QKI: variants seen among roughly 807,000 people sequenced by gnomAD.
QKI encodes QKI, KH domain containing RNA binding.
QKI carries 10 observed loss-of-function variants against 39.0 expected under a neutral mutation model. The ratio of observed to expected loss-of-function variants is 0.26; its 90% CI spans 0.16 to 0.43. QKI has a LOEUF of 0.43. QKI is among the 20% of genes least tolerant of loss of function. The probability of loss-of-function intolerance (pLI) is 1.00; values close to 1 mark genes in which losing one functional copy is unlikely to be tolerated. For missense variants in QKI, 218 were observed against 428.0 expected, an observed-to-expected ratio of 0.51 and a Z score of 4.33; for synonymous variants, 204 against 155.4, an observed-to-expected ratio of 1.31 and a Z score of -2.33.
intron 3 of QKI, among the ~76,000 whole-genome samples, chr6:163,522,666 A>G (rs1027798712): frequency 3.3e-5 from 5 of 152,284 alleles, no homozygotes; most frequent in Admixed American, 6.5e-5. Context: ...GGTAAGCCCC[A>G]TGGAATTATA....
chr6:163,507,647 G>T (rs1779182265), intron 3 of QKI, among the ~76,000 whole-genome samples: 1 of 152,188 alleles, frequency 6.6e-6, no homozygotes, highest in East Asian at 1.9e-4. Flanking sequence ...CTCATCTAAA[G>T]ATGTGAACTA....
intron 3 of QKI, among the ~76,000 whole-genome samples, chr6:163,526,131 G>GA (rs749757290): frequency 2.0e-5 from 3 of 152,068 alleles, no homozygotes; most frequent in Admixed American, 6.5e-5. Flanking sequence ...TATGTCAAAA[G>GA]AAAAAATAGT....
In QKI at chr6:163,517,591, T is replaced by C. The variant is rs116091210; in HGVS notation, c.403-17391T>C. 8.7e-4 allele frequency among the ~76,000 whole-genome samples: 133 copies of C among 152,224 alleles called. 1 individual carries two copies. Among genetic ancestry groups the C allele is most frequent in the African/African-American group, 2.8e-3 (116 of 41,534 alleles). Reference sequence around the variant, plus strand: ...CACCACCACGTCTGGCTTAGATTAGTTTTTTCTTGAGTAGCTGGGAGAAGG... The same window carrying C: ...CACCACCACGTCTGGCTTAGATTAGCTTTTTCTTGAGTAGCTGGGAGAAGG... On this transcript the variant is annotated intron_variant, in intron 3 of 7. Transcript: ENST00000361752.
At chr6:163,566,869 A>C in intron 7 of QKI, 74 bp downstream of exon 7, 1 of 1,562,362 alleles carries the variant, frequency 6.4e-7, no homozygotes, top group Non-Finnish European at 8.7e-7. Context: ...ACCACACCTG[A>C]TGGAAAAATG....
At chr6:163,474,698 G>A (rs576167595) in intron 2 of QKI, among the ~76,000 whole-genome samples, 35 of 151,572 alleles carry the variant, frequency 2.3e-4, no homozygotes, top group Admixed American at 4.6e-4. Flanking sequence ...CTTAGGCACT[G>A]GGGTGGAGTG....
At position 163,573,739 on chromosome 6, in the gene QKI, C is replaced by G. The variant is rs2128253813; in HGVS notation, c.*3029C>G. 6.6e-6 allele frequency: 1 copy of G among 152,210 alleles called. No individual in the cohort carries two copies. The highest frequency in any genetic ancestry group is 1.9e-4 in the East Asian group (1 of 5,188). 9.4% of individuals were successfully genotyped at this position (152,210 alleles called of 1,614,324 possible). A position where few individuals can be genotyped will look rare whatever the true frequency, so the allele number is the denominator to read the frequency against. ...TAGCTTGCATTTTAATTCTTTGGTT[C>G]TTTGCTGTTTCTATTAACCCACAGC... On this transcript the variant is annotated 3_prime_UTR_variant, in exon 8 of 8. Transcript: ENST00000361752.
At chr6:163,526,991 A>C (rs1044220697) in intron 3 of QKI, among the ~76,000 whole-genome samples, 2 of 152,154 alleles carry the variant, frequency 1.3e-5, no homozygotes, top group Non-Finnish European at 2.9e-5. Context: ...TTTAACTTGG[A>C]AATTATTTGG....
intron 3 of QKI, among the ~76,000 whole-genome samples, chr6:163,506,473 C>T (rs922384353): frequency 3.3e-5 from 5 of 152,118 alleles, no homozygotes; most frequent in African/African-American, 1.2e-4. Context: ...GAAGAATACC[C>T]TTTTACATCA....
At chr6:163,529,679 T>C (rs1780734736) in intron 3 of QKI, among the ~76,000 whole-genome samples, 1 of 152,094 alleles carries the variant, frequency 6.6e-6, no homozygotes, top group South Asian at 2.1e-4. Context: ...GAGCCTATCG[T>C]GGGAAGTGAA....
At position 163,415,306 on chromosome 6, in the gene QKI, T is replaced by C; in HGVS notation, c.113T>C (p.Phe38Ser). ...MSSLPNFCGI[F>S]NHLERLLDEE... Reference sequence around the variant, plus strand: ...AGCCTGCCCAACTTCTGCGGGATCTTCAACCACCTCGAGCGGCTGCTGGAC... The same window carrying C: ...AGCCTGCCCAACTTCTGCGGGATCTCCAACCACCTCGAGCGGCTGCTGGAC... The change falls in exon 1 of 8, where the codon TTC becomes TCC. Residue 38 changes from phenylalanine to serine, a missense_variant. Coordinates refer to ENST00000361752, the MANE Select transcript of QKI (RefSeq NM_006775.3). 1 of 1,592,226 alleles carries C rather than the reference T, an allele frequency of 6.3e-7. No homozygotes were observed. The highest frequency in any genetic ancestry group is 8.6e-7 in the Non-Finnish European group (1 of 1,166,216).
In QKI at chr6:163,568,535, T is replaced by C. The variant is rs191800976; in HGVS notation, c.1009+1740T>C. 2.0e-4 allele frequency: 192 copies of C among 981,836 alleles called. No individual in the cohort carries two copies. The African/African-American group carries it at 2.9e-3, about 15-fold the overall frequency. The allele number at this position is 981,836 out of a possible 1,614,324, so 60.8% of individuals were successfully genotyped here. On this transcript the variant is annotated intron_variant, in intron 7 of 7. Transcript: ENST00000361752. ...TAGTAACAGAGTACTCGTATACTTATCACTGTATGCACTCATTGGGTCTAA... is the reference window on the plus strand; with the variant it reads ...TAGTAACAGAGTACTCGTATACTTACCACTGTATGCACTCATTGGGTCTAA...
chr6:163,570,365 G>A (rs943431095), intron 7 of QKI: 8 of 981,684 alleles, frequency 8.1e-6, no homozygotes, highest in Non-Finnish European at 9.7e-6. Flanking sequence ...ATTCATTGTT[G>A]TTTTTCAATT....
At position 163,418,392 on chromosome 6, in the gene QKI, A is replaced by G. The variant is rs139850869; in HGVS notation, c.142+3057A>G. 1.7e-3 allele frequency among the ~76,000 whole-genome samples: 266 copies of G among 152,296 alleles called. 1 individual carries two copies. The highest frequency in any genetic ancestry group is 6.2e-3 in the African/African-American group (256 of 41,562). The stretch of plus-strand genomic sequence containing the variant: ...CAGTTGATGAAGACTTGGATGTTTT[A>G]GAATGAGTATTTTAATTCCTTGCCA... On this transcript the variant is annotated intron_variant, in intron 1 of 7. Transcript: ENST00000361752.
intron 3 of QKI, among the ~76,000 whole-genome samples, chr6:163,484,087 T>C (rs1793285370): frequency 6.6e-6 from 1 of 152,154 alleles, no homozygotes; most frequent in African/African-American, 2.4e-5. Context: ...AAGGAATCTC[T>C]TTTTCTGAGC....
intron 6 of QKI, chr6:163,564,875 G>T: frequency 1.4e-6 from 2 of 1,380,536 alleles, no homozygotes; most frequent in Non-Finnish European, 9.4e-7. Flanking sequence ...TTGACTTTTA[G>T]GACTTTGATC....
intron 1 of QKI, among the ~76,000 whole-genome samples, chr6:163,425,559 G>T (rs548220220): frequency 6.6e-6 from 1 of 152,132 alleles, no homozygotes; most frequent in Admixed American, 6.6e-5. Context: ...TATTATATAC[G>T]TGGCTAACCC....
At chr6:163,536,402 C>A (rs547787369) in intron 4 of QKI, among the ~76,000 whole-genome samples, 1 of 152,150 alleles carries the variant, frequency 6.6e-6, no homozygotes, top group Non-Finnish European at 1.5e-5. Context: ...TGTAAGAATA[C>A]GGTATATAAC....
chr6:163,460,455 T>C (rs768684032), intron 2 of QKI, among the ~76,000 whole-genome samples: 3 of 152,232 alleles, frequency 2.0e-5, no homozygotes, highest in Non-Finnish European at 2.9e-5. Flanking sequence ...GTCTCTCTTA[T>C]AATAATACAT....
intron 7 of QKI, chr6:163,570,444 GTTT>G (rs35227460): frequency 1.8e-4 from 168 of 923,178 alleles, no homozygotes; most frequent in Non-Finnish European, 2.0e-4. Context: ...TTGTTAACCA[GTTT>G]TTTTTTTTTT....
Sources: gnomAD v4.1 joint callset for allele counts (sites outside exome capture counted in the v4.1 genomes callset) on GRCh38, gnomAD v4.1.1 for gene constraint, MANE v1.5 for transcripts, NCBI Gene and HGNC (gene_info 2026-07-23, HGNC 2026-07-21) for gene names.